TMEM209: variants seen among roughly 807,000 people sequenced by gnomAD.
TMEM209 encodes transmembrane protein 209.
Under a neutral mutation model 76.2 loss-of-function variants are expected in TMEM209, and 65 were observed. The observed-to-expected ratio is 0.85, with a 90% confidence interval of 0.70 to 1.05. TMEM209 has a LOEUF of 1.05. Among genes scored for constraint, TMEM209 ranks in the 50% least tolerant of loss-of-function variants. TMEM209 has a pLI of 0.00. For missense variants in TMEM209, 623 were observed against 685.5 expected (o/e 0.91, Z 1.02); for synonymous variants, 239 against 237.6 (o/e 1.01, Z -0.06).
intron 1 of TMEM209, chr7:130,204,958 G>A (rs879925529): frequency 1.3e-4 from 144 of 1,096,292 alleles, no homozygotes; most frequent in Non-Finnish European, 1.5e-4. Flanking sequence ...GTTTTAGAAG[G>A]GCACGTACTT....
intron 5 of TMEM209, among the ~76,000 whole-genome samples, chr7:130,200,825 T>C (rs1356286436): frequency 6.6e-6 from 1 of 152,110 alleles, no homozygotes; most frequent in African/African-American, 2.4e-5. Context: ...GGAATTTCAT[T>C]ACAAAGAAAT....
intron 6 of TMEM209, among the ~76,000 whole-genome samples, chr7:130,188,394 A>C (rs549953492): frequency 2.0e-5 from 3 of 152,242 alleles, no homozygotes; most frequent in South Asian, 2.1e-4. Context: ...CAGGAGATCG[A>C]GACCATCCTG....
chr7:130,205,399 C>A lies in TMEM209; in HGVS notation c.-24G>T, dbSNP rs200514715. 3.1e-6 allele frequency: 5 copies of A among 1,613,550 alleles called. No individual in the cohort carries two copies. Among genetic ancestry groups the A allele is most frequent in the Admixed American group, 3.3e-5 (2 of 59,998 alleles). On this transcript the variant is annotated 5_prime_UTR_variant, in exon 1 of 15. Transcript: ENST00000397622. ...ATGTCCTCTGGCCGGAAAACGCAGG[C>A]TCGCGCCACTCTCTCTGGGCATGCG...
chr7:130,196,475 A>C (rs1308946907), intron 5 of TMEM209, among the ~76,000 whole-genome samples: 1 of 152,212 alleles, frequency 6.6e-6, no homozygotes, highest in East Asian at 1.9e-4. Flanking sequence ...CCTGTGCTCA[A>C]GAGGGTTACA....
At chr7:130,201,088 CAAAAAAAAAAA>C (rs869309249) in intron 5 of TMEM209, among the ~76,000 whole-genome samples, 91 of 74,180 alleles carry the variant, frequency 1.2e-3, no homozygotes, top group African/African-American at 4.6e-3. Context: ...GACTCTGTCT[CAAAAAAAAAAA>C]AAAAAAAAAA....
Position 130,192,814 on chromosome 7 carries a change from A to G in TMEM209, c.583T>C (p.Phe195Leu), listed in dbSNP as rs1246202906. 1 of 1,613,862 alleles carries G rather than the reference A, an allele frequency of 6.2e-7. No individual in the cohort carries two copies. The highest frequency in any genetic ancestry group is 2.2e-5 in the East Asian group (1 of 44,884). ...PVSGYNKLASFSPSPPSPYPT... is the reference protein window; with the variant it reads ...PVSGYNKLASLSPSPPSPYPT... Reference sequence around the variant, plus strand: ...TACGGAGAAGGAGGAGAGGGGCTAAAGCTCGCCAACTATACAAAATAAAAG... The same window carrying G: ...TACGGAGAAGGAGGAGAGGGGCTAAGGCTCGCCAACTATACAAAATAAAAG... The change falls in exon 6 of 15, where the codon TTT (phenylalanine) becomes CTT (leucine). Residue 195 changes from phenylalanine (F) to leucine (L), a missense_variant. Physicochemically the swap from Phe to Leu is conservative, Grantham distance 22. Coordinates refer to ENST00000397622, the MANE Select transcript of TMEM209 (RefSeq NM_032842.4).
At chr7:130,171,838 G>C (rs1407762170) in intron 13 of TMEM209, among the ~76,000 whole-genome samples, 1 of 152,058 alleles carries the variant, frequency 6.6e-6, no homozygotes, top group Non-Finnish European at 1.5e-5. Flanking sequence ...GACCATCCTG[G>C]CTAACACAGT....
At chr7:130,183,174 T>C (rs1797481666) in intron 8 of TMEM209, among the ~76,000 whole-genome samples, 1 of 152,198 alleles carries the variant, frequency 6.6e-6, no homozygotes, top group Non-Finnish European at 1.5e-5. Context: ...TAACAGAAAC[T>C]ACAACAAACT....
intron 5 of TMEM209, among the ~76,000 whole-genome samples, chr7:130,194,934 C>T (rs183965616): frequency 2.0e-5 from 3 of 152,162 alleles, no homozygotes; most frequent in South Asian, 2.1e-4. Context: ...AAAGGTTAAT[C>T]CTCTTCCACA....
intron 11 of TMEM209, 92 bp downstream of exon 11, chr7:130,175,420 C>T: frequency 8.5e-7 from 1 of 1,171,670 alleles, no homozygotes; most frequent in Non-Finnish European, 1.2e-6. Flanking sequence ...CGTGACTGTG[C>T]CACTGCACTA....
chr7:130,202,226 T>A (rs1342001989), intron 4 of TMEM209, 135 bp from the exon 5 acceptor site: 1 of 1,231,020 alleles, frequency 8.1e-7, no homozygotes, highest in Admixed American at 2.9e-5. Context: ...TCACAGAATG[T>A]ATTATTACCA....
intron 6 of TMEM209, among the ~76,000 whole-genome samples, chr7:130,188,319 A>G (rs577279182): frequency 1.1e-4 from 16 of 152,276 alleles, no homozygotes; most frequent in South Asian, 8.3e-4. Context: ...CACTTTGGCC[A>G]GGCGCAGTGA....
intron 13 of TMEM209, among the ~76,000 whole-genome samples, chr7:130,172,510 T>C (rs544567972): frequency 6.6e-6 from 1 of 151,764 alleles, no homozygotes; most frequent in East Asian, 1.9e-4. Flanking sequence ...GCCCGGATAA[T>C]TTTTTTTGTA....
intron 11 of TMEM209, 122 bp downstream of exon 11, chr7:130,175,390 A>T: frequency 1.2e-6 from 1 of 855,472 alleles, no homozygotes; most frequent in Non-Finnish European, 1.8e-6. Flanking sequence ...GAGCCCTGGG[A>T]GATCAAAGCT....
chr7:130,200,155 A>G (rs11763668), intron 5 of TMEM209, among the ~76,000 whole-genome samples: 1 of 151,598 alleles, frequency 6.6e-6, no homozygotes, highest in African/African-American at 2.4e-5. Context: ...CTCTCTCTAT[A>G]TATATATATA....
At position 130,184,227 on chromosome 7, in the gene TMEM209, T is replaced by C; in HGVS notation, c.980A>G (p.Gln327Arg). Residue 327 changes from glutamine (Q) to arginine (R), a missense_variant, in exon 8 of 15, where the codon CAA becomes CGA. Gln to Arg is a conservative substitution (Grantham distance 43, BLOSUM62 1). Transcript: ENST00000397622. ...CCATGAATCCATATGATCAAGAAGT[T>C]GTCTATTCATAGCCACTCTTGCCCA... ...EVWARVAMNR[Q>R]LLDHMDSWTA... The C allele has an allele frequency of 6.2e-7, 1 of 1,608,014 alleles. No individual in the cohort carries two copies. The highest frequency in any genetic ancestry group is 1.3e-5 in the African/African-American group (1 of 74,954).
chr7:130,204,708 G>A (rs1798368150), intron 1 of TMEM209, among the ~76,000 whole-genome samples: 1 of 152,168 alleles, frequency 6.6e-6, no homozygotes, highest in African/African-American at 2.4e-5. Context: ...TAATTTAAGG[G>A]TTATGTCTAG....
chr7:130,173,553 G>T (rs1409210614), intron 13 of TMEM209, 79 bp downstream of exon 13: 1 of 1,072,266 alleles, frequency 9.3e-7, no homozygotes, highest in East Asian at 2.4e-5. Context: ...CTATTAACAT[G>T]AGATTATAAT....
rs370252026 is a variant in TMEM209, at chr7:130,165,444, T to C, written c.*1007A>G. 6.6e-6 allele frequency: 1 copy of C among 152,104 alleles called. No individual in the cohort carries two copies. Among genetic ancestry groups the C allele is most frequent in the East Asian group, 1.9e-4 (1 of 5,190 alleles). The allele number at this position is 152,104 out of a possible 1,614,324, so 9.4% of individuals were successfully genotyped here. On this transcript the variant is annotated 3_prime_UTR_variant, in exon 15 of 15. Coordinates refer to ENST00000397622, the MANE Select transcript of TMEM209 (RefSeq NM_032842.4). ...AAAGAGAACTTTAAAAATAACACATTATGGAATAGTAAAACTGAGCTGCTA... is the reference window on the plus strand; with the variant it reads ...AAAGAGAACTTTAAAAATAACACATCATGGAATAGTAAAACTGAGCTGCTA...
Sources: gnomAD v4.1 joint callset for allele counts (sites outside exome capture counted in the v4.1 genomes callset) on GRCh38, gnomAD v4.1.1 for gene constraint, MANE v1.5 for transcripts, NCBI Gene and HGNC (gene_info 2026-07-23, HGNC 2026-07-21) for gene names.